SNTB1: variants seen among roughly 807,000 people sequenced by gnomAD.
The protein encoded by SNTB1 is beta-1-syntrophin.
A neutral mutation model predicts 48.9 loss-of-function variants in SNTB1; 36 were observed. The observed-to-expected ratio is 0.74, with a 90% CI of 0.56 to 0.97. The LOEUF is 0.97. SNTB1 is among the 50% of genes least tolerant of loss of function. The pLI is 0.00. For synonymous variants in SNTB1, 299 were observed against 294.6 expected (o/e 1.01, Z -0.15); for missense variants, 786 against 703.4 (o/e 1.12, Z -1.33).
At chr8:120,697,163 C>A (rs141961714) in intron 1 of SNTB1, among the ~76,000 whole-genome samples, 79 of 152,318 alleles carry the variant, frequency 5.2e-4, no homozygotes, top group African/African-American at 1.6e-3. Context: ...GGGAGTATAG[C>A]AAGTCTTAGC....
intron 5 of SNTB1, among the ~76,000 whole-genome samples, chr8:120,544,188 G>T (rs990409434): frequency 6.6e-6 from 1 of 152,154 alleles, no homozygotes; most frequent in African/African-American, 2.4e-5. Flanking sequence ...AAATGTTAAA[G>T]CTATACCTTC....
intron 1 of SNTB1, among the ~76,000 whole-genome samples, chr8:120,699,782 G>A (rs569303415): frequency 6.6e-6 from 1 of 152,252 alleles, no homozygotes; most frequent in Non-Finnish European, 1.5e-5. Context: ...GCTAAAAATG[G>A]TAGGGAGAGG....
At chr8:120,653,811 G>C (rs528667127) in intron 2 of SNTB1, among the ~76,000 whole-genome samples, 1 of 151,830 alleles carries the variant, frequency 6.6e-6, no homozygotes, top group East Asian at 1.9e-4. Context: ...AGGCCGAGGC[G>C]GGCGGATCAC....
intron 2 of SNTB1, among the ~76,000 whole-genome samples, chr8:120,681,608 C>T (rs1817932893): frequency 7.4e-6 from 1 of 134,714 alleles, no homozygotes; most frequent in Admixed American, 7.0e-5. Context: ...CCACTATCTA[C>T]CCCCAATCCA....
intron 2 of SNTB1, among the ~76,000 whole-genome samples, chr8:120,674,621 T>A (rs1405747459): frequency 1.3e-5 from 2 of 152,218 alleles, no homozygotes; most frequent in African/African-American, 4.8e-5. Flanking sequence ...TTTTTTTTCC[T>A]TACATTCTTA....
intron 1 of SNTB1, among the ~76,000 whole-genome samples, chr8:120,733,070 G>A (rs1275451074): frequency 6.6e-6 from 1 of 152,198 alleles, no homozygotes; most frequent in South Asian, 2.1e-4. Flanking sequence ...ATTGATAGAG[G>A]AAACTAATTT....
chr8:120,784,703 T>G (rs917353182), intron 1 of SNTB1, among the ~76,000 whole-genome samples: 1 of 152,240 alleles, frequency 6.6e-6, no homozygotes, highest in Non-Finnish European at 1.5e-5. Context: ...ATTGGAGGCA[T>G]TGTAAGCATG....
chr8:120,564,564 G>GTTTTTTTTTTT (rs71306893), intron 4 of SNTB1, among the ~76,000 whole-genome samples: 5 of 84,212 alleles, frequency 5.9e-5, no homozygotes, highest in South Asian at 4.5e-4. Context: ...TATTATTCTG[G>GTTTTTTTTTTT]TTTTTTTTTT....
At chr8:120,723,215 T>C (rs1049082024) in intron 1 of SNTB1, among the ~76,000 whole-genome samples, 4 of 152,222 alleles carry the variant, frequency 2.6e-5, no homozygotes, top group Non-Finnish European at 4.4e-5. Flanking sequence ...GCAGCAATGA[T>C]ACTTTTATTG....
At chr8:120,729,152 T>C (rs527960927) in intron 1 of SNTB1, among the ~76,000 whole-genome samples, 2 of 152,248 alleles carry the variant, frequency 1.3e-5, no homozygotes, top group East Asian at 1.9e-4. Context: ...CTAATTTTTG[T>C]ATTTTGTTTC....
chr8:120,767,771 T>C (rs1342852787), intron 1 of SNTB1, among the ~76,000 whole-genome samples: 2 of 152,228 alleles, frequency 1.3e-5, no homozygotes, highest in Non-Finnish European at 2.9e-5. Flanking sequence ...GTTCTTTCGA[T>C]AGTAGTCTTT....
At chr8:120,629,019 A>T (rs1301550619) in intron 3 of SNTB1, among the ~76,000 whole-genome samples, 1 of 152,106 alleles carries the variant, frequency 6.6e-6, no homozygotes, top group East Asian at 1.9e-4. Flanking sequence ...ATCAAGTTCC[A>T]GTCGAGGTGT....
intron 1 of SNTB1, among the ~76,000 whole-genome samples, chr8:120,729,782 T>C (rs771681724): frequency 1.3e-5 from 2 of 152,238 alleles, no homozygotes; most frequent in Non-Finnish European, 2.9e-5. Context: ...TAATTTACCA[T>C]CGACCTCACA....
At chr8:120,554,825 A>T (rs1318738130) in intron 4 of SNTB1, among the ~76,000 whole-genome samples, 4 of 152,162 alleles carry the variant, frequency 2.6e-5, no homozygotes, top group Non-Finnish European at 5.9e-5. Flanking sequence ...CCAGCAAAGC[A>T]GATAGCAAAG....
chr8:120,801,119 A>G (rs1255908460), intron 1 of SNTB1, among the ~76,000 whole-genome samples: 1 of 152,098 alleles, frequency 6.6e-6, no homozygotes, highest in East Asian at 1.9e-4. Context: ...AATTCTAAAA[A>G]TGAAGCAGAG....
intron 1 of SNTB1, among the ~76,000 whole-genome samples, chr8:120,804,850 C>T (rs1820301465): frequency 6.6e-6 from 1 of 152,174 alleles, no homozygotes; most frequent in Non-Finnish European, 1.5e-5. Flanking sequence ...TCTTAGGCTA[C>T]CTGAAGGCAT....
At chr8:120,663,501 T>C (rs774171007) in intron 2 of SNTB1, among the ~76,000 whole-genome samples, 4 of 152,182 alleles carry the variant, frequency 2.6e-5, no homozygotes, top group Non-Finnish European at 4.4e-5. Context: ...GGGATGGGGT[T>C]TCACCATGTT....
At chr8:120,735,012 G>A (rs1357396398) in intron 1 of SNTB1, among the ~76,000 whole-genome samples, 1 of 152,162 alleles carries the variant, frequency 6.6e-6, no homozygotes, top group African/African-American at 2.4e-5. Flanking sequence ...AATGAGTCAG[G>A]AAAAGCAGTC....
chr8:120,727,007 T>A (rs1441315227), intron 1 of SNTB1, among the ~76,000 whole-genome samples: 1 of 152,184 alleles, frequency 6.6e-6, no homozygotes, highest in Non-Finnish European at 1.5e-5. Context: ...CTGCAGGAAT[T>A]ATAGGAAGCC....
Sources: gnomAD v4.1 joint callset for allele counts (sites outside exome capture counted in the v4.1 genomes callset) on GRCh38, gnomAD v4.1.1 for gene constraint, MANE v1.5 for transcripts, NCBI Gene and HGNC (gene_info 2026-07-23, HGNC 2026-07-21) for gene names.